CCNT2: variants seen among roughly 807,000 people sequenced by gnomAD.
The protein encoded by CCNT2 is cyclin T2, also known as cyclin-T2.
Under a neutral mutation model 70.0 loss-of-function variants are expected in CCNT2, and 18 were observed. That is an observed-to-expected ratio of 0.26 (90% CI 0.18 to 0.38). The LOEUF is 0.38. Ranked by LOEUF, CCNT2 falls within the 10% of genes least tolerant of loss-of-function variation. The pLI is 1.00. For missense variants in CCNT2, 734 were observed against 890.2 expected, an observed-to-expected ratio of 0.82 and a Z score of 2.23; for synonymous variants, 334 against 313.3, an observed-to-expected ratio of 1.07 and a Z score of -0.70.
chr2:134,952,498 A>G, intron 7 of CCNT2, 143 bp from the exon 8 acceptor site: 1 of 470,852 alleles, frequency 2.1e-6, no homozygotes, highest in South Asian at 4.0e-5. Context: ...AGTTGTGTGT[A>G]CTTCTGTGTA....
intron 2 of CCNT2, among the ~76,000 whole-genome samples, chr2:134,929,307 A>G (rs1375676013): frequency 6.6e-6 from 1 of 152,080 alleles, no homozygotes; most frequent in African/African-American, 2.4e-5. Context: ...CATGCACACT[A>G]CATCTATGGA....
intron 5 of CCNT2, 86 bp downstream of exon 5, chr2:134,942,760 C>T: frequency 4.2e-6 from 6 of 1,422,722 alleles, no homozygotes; most frequent in South Asian, 4.2e-5. Flanking sequence ...TTTTTCTAGC[C>T]TTTTGTTAGG....
intron 2 of CCNT2, 89 bp downstream of exon 2, chr2:134,919,980 T>C: frequency 1.2e-6 from 1 of 843,076 alleles, no homozygotes; most frequent in South Asian, 1.5e-5. Flanking sequence ...TTGTTGGATT[T>C]AGTGTTCTGA....
At chr2:134,931,553 T>A (rs986791698) in intron 2 of CCNT2, among the ~76,000 whole-genome samples, 2 of 152,104 alleles carry the variant, frequency 1.3e-5, no homozygotes, top group Non-Finnish European at 2.9e-5. Flanking sequence ...CCCTTGTATT[T>A]CCATGTGAAT....
In CCNT2 at chr2:134,955,311, GA is replaced by G. The variant is rs1306234033; in HGVS notation, c.*664del. The G allele has an allele frequency of 6.5e-6, 1 of 152,892 alleles. No individual in the cohort carries two copies. Among genetic ancestry groups the G allele is most frequent in the Non-Finnish European group, 1.5e-5 (1 of 68,302 alleles). The allele number at this position is 152,892 out of a possible 1,614,324, so 9.5% of individuals were successfully genotyped here. ...GCCTTACTGGAAGCCACTGATAGGG[GA>G]CACTTCACTACCAGATGTGTGCAGT... On this transcript the variant is annotated 3_prime_UTR_variant, in exon 9 of 9. Coordinates refer to ENST00000264157, the MANE Select transcript of CCNT2 (RefSeq NM_058241.3).
chr2:134,947,407 TAC>T (rs1035279637), intron 6 of CCNT2, among the ~76,000 whole-genome samples: 5 of 152,192 alleles, frequency 3.3e-5, no homozygotes, highest in African/African-American at 9.7e-5. Context: ...ACAAAAAATT[TAC>T]AGTGTTATCT....
At chr2:134,940,898 C>T (rs993596770) in intron 4 of CCNT2, among the ~76,000 whole-genome samples, 59 of 152,254 alleles carry the variant, frequency 3.9e-4, no homozygotes, top group Non-Finnish European at 6.8e-4. Flanking sequence ...TCTGTAGCTA[C>T]AGTTGCCCAT....
At chr2:134,919,100 C>G (rs1679634481) in intron 1 of CCNT2, 88 bp downstream of exon 1, 2 of 1,451,696 alleles carry the variant, frequency 1.4e-6, no homozygotes, top group Admixed American at 4.6e-5. Context: ...CGCCGCCGGC[C>G]TCGGCCTTCG....
chr2:134,958,493 G>A lies in CCNT2; in HGVS notation c.*3845G>A, dbSNP rs944321492. The stretch of plus-strand genomic sequence containing the variant: ...TAGGTGCTAATCTCATGTGCCCTAA[G>A]ATGGACTTATTTAGATAGGGATTTT... On this transcript the variant is annotated 3_prime_UTR_variant, in exon 9 of 9. Transcript: ENST00000264157. 6.6e-6 allele frequency: 1 copy of A among 152,190 alleles called. No homozygotes were observed. Among genetic ancestry groups the A allele is most frequent in the South Asian group, 2.1e-4 (1 of 4,832 alleles). The allele number at this position is 152,190 out of a possible 1,614,324, so 9.4% of individuals were successfully genotyped here.
intron 2 of CCNT2, among the ~76,000 whole-genome samples, chr2:134,920,678 C>G (rs1679835163): frequency 1.3e-5 from 2 of 152,158 alleles, no homozygotes; most frequent in African/African-American, 4.8e-5. Flanking sequence ...TTTAACTCTG[C>G]TTTAATTCTG....
chr2:134,950,748 T>C (rs1459517453), intron 7 of CCNT2, among the ~76,000 whole-genome samples: 1 of 152,248 alleles, frequency 6.6e-6, no homozygotes, highest in African/African-American at 2.4e-5. Flanking sequence ...GAAAAGAACA[T>C]TGGCTTAGAC....
chr2:134,952,883 T>TAA (rs1573866723), intron 8 of CCNT2, 172 bp downstream of exon 8: 3 of 548,296 alleles, frequency 5.5e-6, no homozygotes, highest in Non-Finnish European at 9.6e-6. Flanking sequence ...TGGACTTTGC[T>TAA]AAAGTACATT....
chr2:134,924,535 C>T (rs569783002), intron 2 of CCNT2, among the ~76,000 whole-genome samples: 5 of 152,176 alleles, frequency 3.3e-5, no homozygotes, highest in South Asian at 2.1e-4. Flanking sequence ...CTGCAACCTC[C>T]GCCTCCTGAG....
At chr2:134,944,277 G>A (rs1333313579) in intron 5 of CCNT2, 1 of 983,410 alleles carries the variant, frequency 1.0e-6, no homozygotes, top group Non-Finnish European at 1.2e-6. Flanking sequence ...AAAAGGTTAA[G>A]CTAAACTTTG....
At chr2:134,931,262 C>CTTTGTTTTTTTTTTTTTTTTTTTTT (rs1680737791) in intron 2 of CCNT2, among the ~76,000 whole-genome samples, 1 of 42,416 alleles carries the variant, frequency 2.4e-5, no homozygotes, top group Non-Finnish European at 4.2e-5. Context: ...ATGCCCGGAT[C>CTTTGTTTTTTTTTTTTTTTTTTTTT]TTTTTTTTTT....
At chr2:134,934,976 CTT>C (rs1021815256) in intron 2 of CCNT2, among the ~76,000 whole-genome samples, 1 of 152,158 alleles carries the variant, frequency 6.6e-6, no homozygotes, top group African/African-American at 2.4e-5. Context: ...TCTTGAATGT[CTT>C]ATGTGGGCAT....
intron 4 of CCNT2, among the ~76,000 whole-genome samples, chr2:134,939,468 T>C (rs957855861): frequency 2.6e-5 from 4 of 151,888 alleles, no homozygotes; most frequent in Admixed American, 2.6e-4. Flanking sequence ...ATTTATTTAT[T>C]TATTTATTTA....
rs766071509 is a variant in CCNT2, at chr2:134,953,671, G to A, written c.1216G>A (p.Val406Ile). Residue 406 changes from valine to isoleucine, a missense_variant, in exon 9 of 9, where the codon GTT becomes ATT. Physicochemically the swap from Val to Ile is conservative, Grantham distance 29. This residue lies in a region of CCNT2 where 532 missense variants were observed against 556.9 expected (regional missense o/e 0.96). Coordinates refer to ENST00000264157, the MANE Select transcript of CCNT2 (RefSeq NM_058241.3). ...RPDKISDHSS[V>I]KQEYTHKAGS... ...TGACAAAATTTCAGATCATTCTTCTGTTAAGCAAGAATATACTCATAAAGC... is the reference window on the plus strand; with the variant it reads ...TGACAAAATTTCAGATCATTCTTCTATTAAGCAAGAATATACTCATAAAGC... 1 of 1,613,878 alleles carries A rather than the reference G, an allele frequency of 6.2e-7. No homozygotes were observed. Among genetic ancestry groups the A allele is most frequent in the Admixed American group, 1.7e-5 (1 of 60,012 alleles).
intron 7 of CCNT2, among the ~76,000 whole-genome samples, chr2:134,948,200 T>C (rs1003509408): frequency 3.3e-5 from 5 of 152,052 alleles, no homozygotes; most frequent in African/African-American, 1.2e-4. Flanking sequence ...GTGCCTATAG[T>C]CTCAGCTACT....
Sources: allele counts gnomAD v4.1 joint callset (sites outside exome capture counted in the v4.1 genomes callset), GRCh38; gene constraint gnomAD v4.1.1; regional missense constraint gnomAD v4.1.1; transcripts MANE v1.5; gene names NCBI Gene and HGNC (gene_info 2026-07-23, HGNC 2026-07-21).